The following PCDH15 variants were observed in gnomAD, a reference collection of about 807,000 sequenced individuals.
PCDH15 encodes the protein protocadherin related 15.
PCDH15 carries 129 observed loss-of-function variants against 178.5 expected under a neutral mutation model. That is an observed-to-expected ratio of 0.72 (90% confidence interval 0.63 to 0.84). The LOEUF (loss-of-function observed/expected upper bound fraction) is 0.84. Ranked by LOEUF, PCDH15 falls within the 40% of genes least tolerant of loss-of-function variation. The pLI, the probability that PCDH15 is intolerant of heterozygous loss-of-function variation, is 0.00. For synonymous variants in PCDH15, 800 were observed against 732.0 expected (o/e 1.09, Z -1.50); for missense variants, 2,230 against 2,099.9 (o/e 1.06, Z -1.21).
At chr10:54,804,329 G>A (rs916473416), upstream of PCDH15, among the ~76,000 whole-genome samples, 10 of 152,138 alleles carry the variant, frequency 6.6e-5, no homozygotes, top group African/African-American at 2.2e-4. Flanking sequence ...GTGAGCCACC[G>A]CGCCTGCCAG....
chr10:54,056,268 TGAAAATA>T (rs1277657741), intron 18 of PCDH15, among the ~76,000 whole-genome samples: 1 of 152,158 alleles, frequency 6.6e-6, no homozygotes, highest in East Asian at 1.9e-4. Context: ...TCAAGCCACT[TGAAAATA>T]TACAACACAT....
chr10:55,464,627 T>A (rs1254126500), intron 2 of PCDH15, among the ~76,000 whole-genome samples: 1 of 42,150 alleles, frequency 2.4e-5, no homozygotes, highest in Non-Finnish European at 3.4e-5. Flanking sequence ...TGGGAGTAAA[T>A]ATATATATAT....
intron 2 of PCDH15, among the ~76,000 whole-genome samples, chr10:54,993,939 T>G (rs1228787073): frequency 6.6e-6 from 1 of 152,164 alleles, no homozygotes; most frequent in Non-Finnish European, 1.5e-5. Context: ...TTATAGTTAT[T>G]CTGAAAATAA....
At position 55,072,801 on chromosome 10, in the gene PCDH15, A is replaced by G. The variant is rs1405788266; in HGVS notation, c.-80+93775T>C. On this transcript the variant is annotated intron_variant, in intron 2 of 5. Coordinates refer to the PCDH15 transcript ENST00000458638. Reference sequence around the variant, plus strand: ...CCGGGCAGAGACACAACCAAAAAAGACAATTTTAGACCAATATCCTTGATG... The same window carrying G: ...CCGGGCAGAGACACAACCAAAAAAGGCAATTTTAGACCAATATCCTTGATG... 4.6e-5 allele frequency among the ~76,000 whole-genome samples: 7 copies of G among 152,030 alleles called. No individual in the cohort carries two copies. The East Asian group carries it at 1.2e-3, about 25-fold the overall frequency.
intron 1 of PCDH15, among the ~76,000 whole-genome samples, chr10:55,310,596 T>C (rs886162727): frequency 1.3e-5 from 2 of 152,218 alleles, no homozygotes; most frequent in Non-Finnish European, 2.9e-5. Context: ...GTGAATTTGA[T>C]ATGGATAGAC....
Position 54,307,071 on chromosome 10 carries a change from T to C in PCDH15, c.876+10200A>G, listed in dbSNP as rs7918011. 7.1e-4 allele frequency among the ~76,000 whole-genome samples: 7 copies of C among 9,818 alleles called. No individual in the cohort carries two copies. The East Asian group carries it at 8.9e-3, about 12-fold the overall frequency. 6.4% of individuals were successfully genotyped at this position (9,818 alleles called of 152,430 possible). On this transcript the variant is annotated intron_variant, in intron 8 of 37. Transcript: ENST00000644397. ...ATATATATATATATATATATATATA[T>C]ATATATATACATATATATATATGTG...
At chr10:54,756,480 A>G (rs1947137151) in intron 1 of PCDH15, among the ~76,000 whole-genome samples, 1 of 152,134 alleles carries the variant, frequency 6.6e-6, no homozygotes, top group Admixed American at 6.5e-5. Context: ...TCTTCCATCA[A>G]TATAGAATAA....
intron 2 of PCDH15, among the ~76,000 whole-genome samples, chr10:55,443,062 G>A (rs775014807): frequency 1.3e-5 from 2 of 152,070 alleles, no homozygotes; most frequent in Non-Finnish European, 2.9e-5. Flanking sequence ...TTTCATAAAT[G>A]GTATTGGGAA....
intron 1 of PCDH15, among the ~76,000 whole-genome samples, chr10:55,229,744 A>C (rs771585252): frequency 5.9e-5 from 9 of 152,102 alleles, no homozygotes; most frequent in Non-Finnish European, 1.3e-4. Flanking sequence ...AGAGAAAATA[A>C]CACTCTTTCA....
At chr10:54,441,388 T>G (rs1201700317) in intron 3 of PCDH15, among the ~76,000 whole-genome samples, 1 of 151,948 alleles carries the variant, frequency 6.6e-6, no homozygotes, top group Non-Finnish European at 1.5e-5. Flanking sequence ...CTGTGAATCC[T>G]TTATCTACAA....
chr10:55,098,390 GT>G (rs1241236430), intron 2 of PCDH15, among the ~76,000 whole-genome samples: 2 of 152,050 alleles, frequency 1.3e-5, no homozygotes, highest in Admixed American at 1.3e-4. Flanking sequence ...CCTTGGTAAG[GT>G]TTTCCTTTTA....
At chr10:54,129,109 C>T (rs1037335004) in intron 15 of PCDH15, among the ~76,000 whole-genome samples, 7 of 152,108 alleles carry the variant, frequency 4.6e-5, no homozygotes, top group Admixed American at 4.6e-4. Flanking sequence ...TTCATTTTCC[C>T]GATAATAATG....
At chr10:53,940,740 C>A in intron 24 of PCDH15, 126 bp downstream of exon 24, 1 of 752,116 alleles carries the variant, frequency 1.3e-6, no homozygotes. Context: ...TTAACAATTA[C>A]ATTTAAGATG....
intron 14 of PCDH15, among the ~76,000 whole-genome samples, chr10:54,150,435 T>C (rs1006253505): frequency 8.0e-5 from 12 of 149,474 alleles, no homozygotes; most frequent in African/African-American, 2.9e-4. Context: ...GAGACTTCCT[T>C]TTTTTTTTGA....
intron 3 of PCDH15, among the ~76,000 whole-genome samples, chr10:54,465,799 A>G (rs2077479198): frequency 6.6e-6 from 1 of 151,962 alleles, no homozygotes; most frequent in Non-Finnish European, 1.5e-5. Flanking sequence ...CTATATTTAC[A>G]TTTTTGAGAA....
At chr10:54,815,981 T>C (rs1171760678) in intron 3 of PCDH15, among the ~76,000 whole-genome samples, 1 of 152,124 alleles carries the variant, frequency 6.6e-6, no homozygotes, top group African/African-American at 2.4e-5. Context: ...TGTCTTCTGA[T>C]CAACAGTAGG....
At chr10:54,699,870 G>A (rs970218430) in intron 1 of PCDH15, among the ~76,000 whole-genome samples, 1 of 151,964 alleles carries the variant, frequency 6.6e-6, no homozygotes, top group African/African-American at 2.4e-5. Flanking sequence ...GTTATGCATT[G>A]CATAGGGGAA....
intron 1 of PCDH15, among the ~76,000 whole-genome samples, chr10:54,750,712 A>C (rs1277367232): frequency 6.6e-6 from 1 of 152,136 alleles, no homozygotes; most frequent in Non-Finnish European, 1.5e-5. Context: ...AATACCAAAG[A>C]AAAATTGTTT....
At chr10:54,907,083 G>C (rs1458659330) in intron 2 of PCDH15, among the ~76,000 whole-genome samples, 1 of 152,122 alleles carries the variant, frequency 6.6e-6, no homozygotes, top group Non-Finnish European at 1.5e-5. Flanking sequence ...AGAAGTCACA[G>C]AGAAAAGGAA....
Sources: allele counts gnomAD v4.1 joint callset (sites outside exome capture counted in the v4.1 genomes callset), GRCh38; gene constraint gnomAD v4.1.1; transcripts MANE v1.5; gene names NCBI Gene and HGNC (gene_info 2026-07-23, HGNC 2026-07-21).